MTF2: variants seen among roughly 807,000 people sequenced by gnomAD.
MTF2 encodes the protein metal-response element-binding transcription factor 2.
In MTF2, 11 loss-of-function variants were observed where a neutral mutation model predicts 79.5. That is an observed-to-expected ratio of 0.14 (90% CI 0.09 to 0.23). The LOEUF is 0.23. Ranked by LOEUF, MTF2 falls within the 10% of genes least tolerant of loss-of-function variation. MTF2 has a pLI of 1.00. For synonymous variants in MTF2, 208 were observed against 232.8 expected, an observed-to-expected ratio of 0.89 and a Z score of 0.97; for missense variants, 486 against 711.2, an observed-to-expected ratio of 0.68 and a Z score of 3.60.
intron 1 of MTF2, among the ~76,000 whole-genome samples, chr1:93,107,817 G>C (rs992544677): frequency 6.6e-6 from 1 of 150,660 alleles, no homozygotes; most frequent in Admixed American, 6.6e-5. Context: ...TTCTCTCTCT[G>C]TTGCTCAGGC....
chr1:93,083,739 T>C (rs188253923), intron 1 of MTF2, among the ~76,000 whole-genome samples: 104 of 152,356 alleles, frequency 6.8e-4, no homozygotes, highest in African/African-American at 2.2e-3. Flanking sequence ...CTGATACTTA[T>C]TATTGTCTAT....
At chr1:93,099,395 T>C (rs1315991140) in intron 1 of MTF2, among the ~76,000 whole-genome samples, 3 of 152,052 alleles carry the variant, frequency 2.0e-5, no homozygotes, top group Non-Finnish European at 4.4e-5. Flanking sequence ...CATTATGAAA[T>C]TTTAAGACAT....
intron 1 of MTF2, among the ~76,000 whole-genome samples, chr1:93,102,786 A>T (rs1172621701): frequency 6.6e-6 from 1 of 152,110 alleles, no homozygotes; most frequent in Non-Finnish European, 1.5e-5. Context: ...ATTTAAAAAT[A>T]CACATATGAG....
chr1:93,101,568 GTTTTT>G (rs71586778), intron 1 of MTF2, among the ~76,000 whole-genome samples: 7 of 25,406 alleles, frequency 2.8e-4, no homozygotes, highest in East Asian at 1.3e-3. Flanking sequence ...GCTCAGGCTG[GTTTTT>G]TTTTTTTTTT....
rs192603226 is a variant in MTF2 at position 93,079,897 on chromosome 1, G to T, written c.5+366G>T. 3.1e-4 allele frequency among the ~76,000 whole-genome samples: 47 copies of T among 152,028 alleles called. No individual in the cohort carries two copies. In the East Asian group the frequency reaches 8.1e-3, roughly 26 times the overall value. ...TGACGAGGGGGTGGGGAGCCGAGAG[G>T]AGGAGCCGTTGGGAAATGGGGGCTG... On this transcript the variant is annotated intron_variant, in intron 1 of 14. Transcript: ENST00000370298.
At chr1:93,120,228 G>A (rs931372837) in intron 8 of MTF2, 10 of 160,784 alleles carry the variant, frequency 6.2e-5, no homozygotes, top group South Asian at 1.7e-4. Flanking sequence ...CCCACGGGGC[G>A]GAAGTTGCAG....
intron 14 of MTF2, chr1:93,134,521 T>C (rs116824745): frequency 1.3e-4 from 28 of 211,386 alleles, no homozygotes; most frequent in Non-Finnish European, 1.9e-4. Context: ...TAGGAAGATA[T>C]GATTTTTTTT....
At chr1:93,128,991 C>A (rs41286825) in intron 10 of MTF2, 65 of 220,328 alleles carry the variant, frequency 3.0e-4, no homozygotes, top group Non-Finnish European at 4.8e-4. Context: ...CAAAAATATA[C>A]CATTCTTTGT....
intron 14 of MTF2, among the ~76,000 whole-genome samples, chr1:93,136,197 A>T (rs1387170740): frequency 6.6e-6 from 1 of 152,146 alleles, no homozygotes; most frequent in African/African-American, 2.4e-5. Context: ...ATTCTGGTGT[A>T]TTACTTCACT....
At chr1:93,080,385 T>G (rs1255410106) in intron 1 of MTF2, among the ~76,000 whole-genome samples, 1 of 152,200 alleles carries the variant, frequency 6.6e-6, no homozygotes, top group Non-Finnish European at 1.5e-5. Flanking sequence ...AGAATTTTTC[T>G]TTGGAAGCAA....
At chr1:93,121,042 A>G (rs1448281322) in intron 9 of MTF2, 19 of 1,022,610 alleles carry the variant, frequency 1.9e-5, no homozygotes, top group Non-Finnish European at 1.9e-5. Flanking sequence ...GATATAACCA[A>G]CATTCTTCCT....
intron 1 of MTF2, among the ~76,000 whole-genome samples, chr1:93,107,709 AT>A (rs35778433): frequency 0.81 from 121,837 of 150,788 alleles, 51,604 homozygotes; most frequent in East Asian, 0.93. Context: ...CTTAATTACC[AT>A]TTTTTTTTTC....
chr1:93,101,568 G>GTTTTTTTTTTTTTTTTTTTTTTTTTTTT lies in MTF2; in HGVS notation c.6-8660_6-8633dup, dbSNP rs71586778. On this transcript the variant is annotated intron_variant, in intron 1 of 14. Coordinates refer to ENST00000370298, the MANE Select transcript of MTF2 (RefSeq NM_007358.4). ...TGGTCTTGCCATGTTGCTCAGGCTGGTTTTTTTTTTTTTTTTTTTTTTTTT... is the reference window on the plus strand; with the variant it reads ...TGGTCTTGCCATGTTGCTCAGGCTGGTTTTTTTTTTTTTTTTTTTTTTTTTTTTTTTTTTTTTTTTTTTTTTTTTTTTT... 1.6e-4 allele frequency among the ~76,000 whole-genome samples: 4 copies of GTTTTTTTTTTTTTTTTTTTTTTTTTTTT among 25,406 alleles called. 2 individuals carry two copies. The highest frequency in any genetic ancestry group is 2.6e-4 in the Non-Finnish European group (4 of 15,122). 16.7% of individuals were successfully genotyped at this position (25,406 alleles called of 152,430 possible). A position where few individuals can be genotyped will look rare whatever the true frequency, so the allele number is the denominator to read the frequency against.
chr1:93,123,769 C>A (rs971086627), intron 9 of MTF2, among the ~76,000 whole-genome samples: 1 of 148,530 alleles, frequency 6.7e-6, no homozygotes, highest in East Asian at 2.0e-4. Flanking sequence ...TGTCCCCCCC[C>A]CCTTTTTTTA....
chr1:93,105,917 G>T (rs970045269), intron 1 of MTF2, among the ~76,000 whole-genome samples: 1 of 152,100 alleles, frequency 6.6e-6, no homozygotes, highest in Admixed American at 6.5e-5. Flanking sequence ...CTCGTGATCT[G>T]CCCGACCCGT....
At chr1:93,080,332 GAACTCT>G (rs1337703421) in intron 1 of MTF2, among the ~76,000 whole-genome samples, 1 of 152,144 alleles carries the variant, frequency 6.6e-6, no homozygotes, top group Non-Finnish European at 1.5e-5. Flanking sequence ...GGTAGTGCCA[GAACTCT>G]AACTCTGTGT....
chr1:93,120,198 A>G (rs940021022), intron 8 of MTF2: 1 of 155,600 alleles, frequency 6.4e-6, no homozygotes, highest in Non-Finnish European at 1.4e-5. Flanking sequence ...AGGGAGGCTG[A>G]GGCAGGAGAA....
intron 1 of MTF2, among the ~76,000 whole-genome samples, chr1:93,099,322 A>C (rs974278324): frequency 1.3e-5 from 2 of 152,198 alleles, no homozygotes; most frequent in African/African-American, 4.8e-5. Context: ...CAGAAAAACA[A>C]ATGAAAGGAT....
At chr1:93,095,005 C>CG (rs1356705158) in intron 1 of MTF2, among the ~76,000 whole-genome samples, 2 of 152,042 alleles carry the variant, frequency 1.3e-5, no homozygotes, top group East Asian at 3.8e-4. Context: ...AGATGTGACT[C>CG]GGGGGTTCCA....
Sources: allele counts gnomAD v4.1 joint callset (sites outside exome capture counted in the v4.1 genomes callset), GRCh38; gene constraint gnomAD v4.1.1; transcripts MANE v1.5; gene names NCBI Gene and HGNC (gene_info 2026-07-23, HGNC 2026-07-21).